RADIL: variants seen among roughly 807,000 people sequenced by gnomAD.
RADIL encodes ras-associating and dilute domain-containing protein.
RADIL carries 99 observed loss-of-function variants against 97.6 expected under a neutral mutation model. That is an observed-to-expected ratio of 1.01 (90% CI 0.86 to 1.20). The LOEUF is 1.20. Ranked by LOEUF, RADIL falls within the 50% of genes most tolerant of loss-of-function variation. The pLI is 0.00. For synonymous variants in RADIL, 803 were observed against 691.8 expected (o/e 1.16, Z -2.52); for missense variants, 1,765 against 1,498.9 (o/e 1.18, Z -2.93).
In RADIL at chr7:4,833,443, C is replaced by T. The variant is rs546449470; in HGVS notation, c.1416+1164G>A. 4.6e-5 allele frequency among the ~76,000 whole-genome samples: 7 copies of T among 152,130 alleles called. 1 individual carries two copies. Among genetic ancestry groups the T allele is most frequent in the African/African-American group, 1.7e-4 (7 of 41,492 alleles). On this transcript the variant is annotated intron_variant, in intron 4 of 14. Coordinates refer to ENST00000399583, the MANE Select transcript of RADIL (RefSeq NM_018059.5). ...TGTCCATGACTGCACGGAGGGGACA[C>T]GGGCACGCTGCAGTGGCACTCCCAT...
chr7:4,834,482 G>A lies in RADIL; in HGVS notation c.1416+125C>T, dbSNP rs373429829. The A allele has an allele frequency of 1.9e-5, 21 of 1,126,938 alleles. No homozygotes were observed. In the East Asian group the frequency reaches 3.8e-4, roughly 21 times the overall value. The allele number at this position is 1,126,938 out of a possible 1,614,324, so 69.8% of individuals were successfully genotyped here. A position where few individuals can be genotyped will look rare whatever the true frequency, so the allele number is the denominator to read the frequency against. ...GACAGGCAGGGAAAGGCCGCCCTGCGCTCAGCAGCACAGCACCGTGGGGGT... is the reference window on the plus strand; with the variant it reads ...GACAGGCAGGGAAAGGCCGCCCTGCACTCAGCAGCACAGCACCGTGGGGGT... On this transcript the variant is annotated intron_variant, in intron 4 of 14. Transcript: ENST00000399583. The surrounding 1 kb of genome is among the most constrained non-coding windows in gnomAD (Gnocchi z 6.0).
At chr7:4,848,820 G>A (rs527339780) in intron 2 of RADIL, among the ~76,000 whole-genome samples, 164 of 152,218 alleles carry the variant, frequency 1.1e-3, no homozygotes, top group South Asian at 1.7e-3. Flanking sequence ...TAAAAACCAA[G>A]ACATAGTAGG....
chr7:4,838,842 C>T (rs1783368820), intron 2 of RADIL, among the ~76,000 whole-genome samples: 1 of 152,266 alleles, frequency 6.6e-6, no homozygotes. Context: ...ACTGGCACAG[C>T]CGTGGGCATG....
intron 2 of RADIL, among the ~76,000 whole-genome samples, chr7:4,864,102 C>T (rs1438851429): frequency 6.6e-6 from 1 of 152,122 alleles, no homozygotes; most frequent in Non-Finnish European, 1.5e-5. Context: ...ATATAAATAC[C>T]TTCTTTTTAA....
rs1784445530 is a variant in RADIL, at chr7:4,879,679, G to T, written c.-64-1476C>A. Among the ~76,000 whole-genome samples the T allele has an allele frequency of 6.6e-6, 1 of 152,186 alleles. No homozygotes were observed. The highest frequency in any genetic ancestry group is 1.5e-5 in the Non-Finnish European group (1 of 68,026). On this transcript the variant is annotated intron_variant, in intron 1 of 14. Transcript: ENST00000399583. The surrounding 1 kb of genome is among the most constrained non-coding windows in gnomAD (Gnocchi z 4.1). Reference sequence around the variant, plus strand: ...GGCGCTGCAAAAGGCTTCTGGAAAGGACGGTGGCTGCCTAGGGCCACAGAA... The same window carrying T: ...GGCGCTGCAAAAGGCTTCTGGAAAGTACGGTGGCTGCCTAGGGCCACAGAA...
At chr7:4,804,813 C>T (rs915475386) in intron 10 of RADIL, among the ~76,000 whole-genome samples, 2 of 150,086 alleles carry the variant, frequency 1.3e-5, no homozygotes, top group Non-Finnish European at 1.5e-5. Flanking sequence ...AAGGCACCCT[C>T]GGCCAGGCAC....
At chr7:4,855,175 T>C (rs1224380014) in intron 2 of RADIL, among the ~76,000 whole-genome samples, 1 of 152,336 alleles carries the variant, frequency 6.6e-6, no homozygotes, top group Non-Finnish European at 1.5e-5. Context: ...CCCTCATTGA[T>C]GGATATGTGG....
intron 5 of RADIL, among the ~76,000 whole-genome samples, chr7:4,828,031 C>T (rs547237341): frequency 3.8e-4 from 58 of 152,290 alleles, no homozygotes; most frequent in South Asian, 1.2e-3. Context: ...CACGAGACGC[C>T]ACCTCACTCC....
At chr7:4,848,212 G>A (rs1344836264) in intron 2 of RADIL, among the ~76,000 whole-genome samples, 2 of 114,816 alleles carry the variant, frequency 1.7e-5, no homozygotes, top group Admixed American at 8.4e-5. Context: ...GTGAGACCCC[G>A]TCTCAAAAAA....
Position 4,799,611 on chromosome 7 carries a change from G to T in RADIL, c.3122+19C>A. 6.2e-7 allele frequency: 1 copy of T among 1,605,004 alleles called. No homozygotes were observed. The highest frequency in any genetic ancestry group is 8.5e-7 in the Non-Finnish European group (1 of 1,175,188). ...GGGCATCTGGGAGAAGGGGCCGGGC[G>T]TGCATGCGGTGGGGGTACCTCAGGT... is the stretch of plus-strand genomic sequence containing the variant. On this transcript the variant is annotated intron_variant, in intron 14 of 14. Transcript: ENST00000399583.
At position 4,879,998 on chromosome 7, in the gene RADIL, G is replaced by C. The variant is rs1784451298; in HGVS notation, c.-64-1795C>G. ...ATACTTCCGACAGCTTCGCACACCAGAGACTGGGTTCCCAACGCGGACGTC... is the reference window on the plus strand; with the variant it reads ...ATACTTCCGACAGCTTCGCACACCACAGACTGGGTTCCCAACGCGGACGTC... On this transcript the variant is annotated intron_variant, in intron 1 of 14. Coordinates refer to ENST00000399583, the MANE Select transcript of RADIL (RefSeq NM_018059.5). This position sits in a 1 kb window ranked among gnomAD's most constrained non-coding sequence, Gnocchi z 4.1. Among the ~76,000 whole-genome samples, 1 of 152,204 alleles carries C rather than the reference G, an allele frequency of 6.6e-6. No homozygotes were observed. The highest frequency in any genetic ancestry group is 6.5e-5 in the Admixed American group (1 of 15,276).
In RADIL at chr7:4,817,125, C is replaced by T. The variant is rs1435240193; in HGVS notation, c.1728+114G>A. ...CTCCCTGATGAAGTGGAGCTTGTCA[C>T]GGTCCCCTCCCTCAGCCCCCCAGAA... On this transcript the variant is annotated intron_variant, in intron 7 of 14. Coordinates refer to ENST00000399583, the MANE Select transcript of RADIL (RefSeq NM_018059.5). The surrounding 1 kb of genome is among the most constrained non-coding windows in gnomAD (Gnocchi z 8.3). 19 of 867,402 alleles carry T rather than the reference C, an allele frequency of 2.2e-5. No individual in the cohort carries two copies. Among genetic ancestry groups the T allele is most frequent in the African/African-American group, 3.4e-5 (2 of 59,070 alleles). The allele number at this position is 867,402 out of a possible 1,614,324, so 53.7% of individuals were successfully genotyped here.
In RADIL at chr7:4,849,342, T is replaced by A. The variant is rs1344245511; in HGVS notation, c.536-12737A>T. 6.6e-6 allele frequency among the ~76,000 whole-genome samples: 1 copy of A among 152,176 alleles called. No individual in the cohort carries two copies. The stretch of plus-strand genomic sequence containing the variant: ...GAAAATAAGTAAAAATATTTAAGTG[T>A]ACATAGTTTTCATTCTACTGCAAGA... On this transcript the variant is annotated intron_variant, in intron 2 of 14. Coordinates refer to ENST00000399583, the MANE Select transcript of RADIL (RefSeq NM_018059.5). The surrounding 1 kb of genome is among the most constrained non-coding windows in gnomAD (Gnocchi z 5.4).
chr7:4,862,133 C>T (rs1298329451), intron 2 of RADIL: 5 of 314,466 alleles, frequency 1.6e-5, no homozygotes, highest in Non-Finnish European at 2.3e-5. Flanking sequence ...GGGGGCTATA[C>T]ATGGGGGTGG....
chr7:4,827,077 C>T (rs1216676832), intron 5 of RADIL, among the ~76,000 whole-genome samples: 1 of 152,104 alleles, frequency 6.6e-6, no homozygotes, highest in East Asian at 1.9e-4. Flanking sequence ...TAAGAATCAT[C>T]AGGACAGGCC....
Position 4,878,256 on chromosome 7 carries a change from A to C in RADIL, c.-64-53T>G. ...GCCAACCATCGTGACCACCAAGAGC[A>C]AATGAGGCCACAGGCGGTGACTCCT... On this transcript the variant is annotated intron_variant, in intron 1 of 14. Coordinates refer to ENST00000399583, the MANE Select transcript of RADIL (RefSeq NM_018059.5). This position sits in a 1 kb window ranked among gnomAD's most constrained non-coding sequence, Gnocchi z 4.1. 8.5e-7 allele frequency: 1 copy of C among 1,174,208 alleles called. No homozygotes were observed. The highest frequency in any genetic ancestry group is 2.6e-5 in the East Asian group (1 of 38,620). 72.7% of individuals were successfully genotyped at this position (1,174,208 alleles called of 1,614,324 possible). A position where few individuals can be genotyped will look rare whatever the true frequency, so the allele number is the denominator to read the frequency against.
intron 2 of RADIL, among the ~76,000 whole-genome samples, chr7:4,850,876 T>G (rs1373920058): frequency 1.3e-5 from 2 of 152,040 alleles, no homozygotes; most frequent in Non-Finnish European, 2.9e-5. Context: ...ATAGTATAGT[T>G]TTAAGCTGCA....
At chr7:4,850,130 C>A (rs76959376) in intron 2 of RADIL, among the ~76,000 whole-genome samples, 2,336 of 144,232 alleles carry the variant, frequency 0.016, 70 homozygotes, top group African/African-American at 0.057. Context: ...ATGAAAAATA[C>A]AGAAAACTAA....
In RADIL at chr7:4,854,155, G is replaced by A. The variant is rs1446317101; in HGVS notation, c.536-17550C>T. On this transcript the variant is annotated intron_variant, in intron 2 of 14. Coordinates refer to ENST00000399583, the MANE Select transcript of RADIL (RefSeq NM_018059.5). This position sits in a 1 kb window ranked among gnomAD's most constrained non-coding sequence, Gnocchi z 5.1. ...TCCTGCACCTTGAGGTAACCCTGAA[G>A]ATAGAAGGCATGAACTAGAATGATG... 6.6e-6 allele frequency among the ~76,000 whole-genome samples: 1 copy of A among 152,190 alleles called. No individual in the cohort carries two copies. The highest frequency in any genetic ancestry group is 6.5e-5 in the Admixed American group (1 of 15,276).
Sources: allele counts gnomAD v4.1 joint callset (sites outside exome capture counted in the v4.1 genomes callset), GRCh38; gene constraint gnomAD v4.1.1; non-coding constraint Gnocchi (gnomAD v3.1); transcripts MANE v1.5; gene names NCBI Gene and HGNC (gene_info 2026-07-23, HGNC 2026-07-21).